The following SYNPR variants were observed in gnomAD, a reference collection of about 807,000 sequenced individuals.
SYNPR encodes synaptoporin.
Under a neutral mutation model 32.9 loss-of-function variants are expected in SYNPR, and 23 were observed. That is an observed-to-expected ratio of 0.70 (90% CI 0.50 to 0.99). SYNPR has a LOEUF of 0.99. Among genes scored for constraint, SYNPR ranks in the 50% least tolerant of loss-of-function variants. The pLI is 0.00. For missense variants in SYNPR, 318 were observed against 349.3 expected (o/e 0.91, Z 0.71); for synonymous variants, 146 against 135.9 (o/e 1.07, Z -0.52).
chr3:63,566,760 C>T (rs1251068158), intron 4 of SYNPR, among the ~76,000 whole-genome samples: 1 of 152,122 alleles, frequency 6.6e-6, no homozygotes, highest in Non-Finnish European at 1.5e-5. Context: ...AAGAGACTAA[C>T]GTTTCCTAAT....
chr3:63,519,956 G>A (rs983517929), intron 3 of SYNPR, among the ~76,000 whole-genome samples: 2 of 152,168 alleles, frequency 1.3e-5, no homozygotes, highest in Non-Finnish European at 2.9e-5. Flanking sequence ...ATATGTGTGT[G>A]TGTAAGAAAC....
rs181953678 is a variant in SYNPR, at chr3:63,392,991, A to G, written c.85-87841A>G. 2.0e-4 allele frequency among the ~76,000 whole-genome samples: 30 copies of G among 152,252 alleles called. No individual in the cohort carries two copies. In the East Asian group the frequency reaches 4.6e-3, roughly 24 times the overall value. On this transcript the variant is annotated intron_variant, in intron 2 of 5. Transcript: ENST00000478300. ...TATTTTCCCATTTCTGTACATACCT[A>G]TGGCCGTGGAAAACTAAATGGTGTG...
chr3:63,402,719 T>A (rs2088308755), intron 2 of SYNPR, among the ~76,000 whole-genome samples: 1 of 152,216 alleles, frequency 6.6e-6, no homozygotes. Flanking sequence ...CTTTAGCTGT[T>A]CCCTCTGCCT....
chr3:63,428,000 T>A (rs551480750), intron 2 of SYNPR, among the ~76,000 whole-genome samples: 19 of 152,368 alleles, frequency 1.2e-4, no homozygotes, highest in South Asian at 1.2e-3. Context: ...TAGTTTTTTT[T>A]AAAATGTATT....
intron 2 of SYNPR, among the ~76,000 whole-genome samples, chr3:63,368,363 C>T (rs543794487): frequency 2.6e-5 from 4 of 151,910 alleles, no homozygotes; most frequent in Non-Finnish European, 4.4e-5. Flanking sequence ...CAAGAAAGGG[C>T]GCTAGTTTGA....
intron 2 of SYNPR, among the ~76,000 whole-genome samples, chr3:63,376,770 T>C (rs896337793): frequency 6.6e-6 from 1 of 152,142 alleles, no homozygotes; most frequent in African/African-American, 2.4e-5. Flanking sequence ...AGCCCCTGTC[T>C]CTATCATTTT....
intron 3 of SYNPR, among the ~76,000 whole-genome samples, chr3:63,509,097 T>C (rs1017651578): frequency 3.3e-5 from 5 of 151,130 alleles, no homozygotes; most frequent in Non-Finnish European, 7.4e-5. Context: ...CTCATGTACC[T>C]TTCAGCATAT....
At chr3:63,469,131 G>T (rs888488584) in intron 2 of SYNPR, among the ~76,000 whole-genome samples, 1 of 152,074 alleles carries the variant, frequency 6.6e-6, no homozygotes, top group Admixed American at 6.6e-5. Flanking sequence ...ACTGAATCCC[G>T]ATGGGAATTT....
At chr3:63,291,069 G>A (rs913103609) in intron 2 of SYNPR, among the ~76,000 whole-genome samples, 25 of 152,308 alleles carry the variant, frequency 1.6e-4, no homozygotes, top group Middle Eastern at 3.4e-3. Flanking sequence ...GGAAAAGGGG[G>A]TAGCTGGATG....
At chr3:63,372,971 A>G (rs1428015534) in intron 2 of SYNPR, among the ~76,000 whole-genome samples, 1 of 152,146 alleles carries the variant, frequency 6.6e-6, no homozygotes, top group East Asian at 1.9e-4. Flanking sequence ...AACACCAAAA[A>G]TCCTTTGATA....
chr3:63,565,790 T>C (rs1702773338), intron 4 of SYNPR, among the ~76,000 whole-genome samples: 8 of 152,210 alleles, frequency 5.3e-5, no homozygotes, highest in Admixed American at 5.2e-4. Context: ...GCTTAGACGT[T>C]GCTTCATTTT....
chr3:63,508,525 G>A (rs1242991313), intron 3 of SYNPR, among the ~76,000 whole-genome samples: 1 of 152,146 alleles, frequency 6.6e-6, no homozygotes, highest in Non-Finnish European at 1.5e-5. Context: ...ATAATGTGAT[G>A]TCATTGAGAA....
intron 3 of SYNPR, among the ~76,000 whole-genome samples, chr3:63,519,793 G>C (rs1030184845): frequency 6.6e-6 from 1 of 152,154 alleles, no homozygotes; most frequent in African/African-American, 2.4e-5. Flanking sequence ...CCCCGAAAAA[G>C]TATGCTCTTT....
chr3:63,615,258 G>A lies in SYNPR; in HGVS notation c.635G>A (p.Gly212Glu). Reference protein sequence around the residue: ...FGFLNFILWAGNIWFVFKETG... With the variant: ...FGFLNFILWAENIWFVFKETG... The stretch of plus-strand genomic sequence containing the variant: ...TTCTTGAACTTTATTCTCTGGGCTG[G>A]AAACATATGGTTTGTTTTCAAGGAG... The change falls in exon 6 of 6, where the codon GGA (glycine) becomes GAA (glutamate). Residue 212 changes from glycine (G) to glutamate (E), a missense_variant. Physicochemically the swap from Gly to Glu is moderately conservative, Grantham distance 98. Transcript: ENST00000478300. 6.2e-7 allele frequency: 1 copy of A among 1,613,696 alleles called. No individual in the cohort carries two copies. The highest frequency in any genetic ancestry group is 8.5e-7 in the Non-Finnish European group (1 of 1,179,742).
At chr3:63,387,100 G>A (rs987123931) in intron 2 of SYNPR, among the ~76,000 whole-genome samples, 1 of 152,176 alleles carries the variant, frequency 6.6e-6, no homozygotes, top group Non-Finnish European at 1.5e-5. Context: ...GAGCAAAAGT[G>A]TCTTCCACTG....
chr3:63,571,445 T>C (rs4476495), intron 4 of SYNPR, among the ~76,000 whole-genome samples: 3,516 of 152,232 alleles, frequency 0.023, 136 homozygotes, highest in African/African-American at 0.08. Flanking sequence ...AGTCACTGGT[T>C]ACTAACGCTT....
At chr3:63,396,953 T>TATTA in intron 2 of SYNPR, among the ~76,000 whole-genome samples, 1 of 151,700 alleles carries the variant, frequency 6.6e-6, no homozygotes, top group Admixed American at 6.6e-5. Context: ...AAATACAAAA[T>TATTA]ATTAGCCAGG....
At chr3:63,342,130 T>A (rs1053988675) in intron 2 of SYNPR, among the ~76,000 whole-genome samples, 1 of 152,226 alleles carries the variant, frequency 6.6e-6, no homozygotes, top group African/African-American at 2.4e-5. Flanking sequence ...TCTTCCTCCA[T>A]TGAATTGTCT....
At chr3:63,389,907 T>C (rs189951529) in intron 2 of SYNPR, among the ~76,000 whole-genome samples, 2 of 152,354 alleles carry the variant, frequency 1.3e-5, no homozygotes, top group Admixed American at 6.5e-5. Context: ...AAAAGCTCTT[T>C]GGACTATAGG....
Sources: allele counts gnomAD v4.1 joint callset (sites outside exome capture counted in the v4.1 genomes callset), GRCh38; gene constraint gnomAD v4.1.1; transcripts MANE v1.5; gene names NCBI Gene and HGNC (gene_info 2026-07-23, HGNC 2026-07-21).